The following GRHL2 variants were observed in gnomAD, a reference collection of about 807,000 sequenced individuals.
GRHL2 encodes grainyhead like transcription factor 2.
In GRHL2, 21 loss-of-function variants were observed where a neutral mutation model predicts 83.8. That is an observed-to-expected ratio of 0.25 (90% CI 0.18 to 0.36). The LOEUF is 0.36. Ranked by LOEUF, GRHL2 falls within the 10% of genes least tolerant of loss-of-function variation. The pLI is 1.00. For synonymous variants in GRHL2, 280 were observed against 278.9 expected (o/e 1.00, Z -0.04); for missense variants, 623 against 781.8 (o/e 0.80, Z 2.42).
intron 11 of GRHL2, among the ~76,000 whole-genome samples, chr8:101,634,941 GT>G (rs1813257153): frequency 1.3e-5 from 2 of 152,278 alleles, no homozygotes; most frequent in South Asian, 4.1e-4. Flanking sequence ...TATTCAGGCT[GT>G]TTATGTCTGG....
chr8:101,615,134 T>A (rs181664692), intron 8 of GRHL2, among the ~76,000 whole-genome samples: 6 of 152,324 alleles, frequency 3.9e-5, no homozygotes, highest in African/African-American at 1.4e-4. Context: ...GTGTGGTAGC[T>A]CATTTGACCT....
chr8:101,613,063 G>A (rs1319524008), intron 8 of GRHL2, among the ~76,000 whole-genome samples: 2 of 150,800 alleles, frequency 1.3e-5, no homozygotes, highest in African/African-American at 2.5e-5. Flanking sequence ...AGGTATTTCC[G>A]AAGAGTTGAC....
chr8:101,654,804 CTGT>C (rs774007918), intron 14 of GRHL2, among the ~76,000 whole-genome samples: 1 of 152,102 alleles, frequency 6.6e-6, no homozygotes. Context: ...GGTTGGAGTT[CTGT>C]TGTTTAAAAA....
At chr8:101,652,524 G>A (rs1451145001) in intron 14 of GRHL2, among the ~76,000 whole-genome samples, 2 of 88,794 alleles carry the variant, frequency 2.3e-5, no homozygotes, top group African/African-American at 6.7e-5. Flanking sequence ...TGTGTGTGGT[G>A]TGTGTGTGGT....
At chr8:101,653,681 G>A (rs1165983023) in intron 14 of GRHL2, among the ~76,000 whole-genome samples, 1 of 151,698 alleles carries the variant, frequency 6.6e-6, no homozygotes, top group African/African-American at 2.4e-5. Context: ...GGCGGAGTTC[G>A]CAGTGAGCTG....
intron 14 of GRHL2, among the ~76,000 whole-genome samples, chr8:101,656,763 G>A (rs963195543): frequency 6.6e-6 from 1 of 152,228 alleles, no homozygotes; most frequent in Non-Finnish European, 1.5e-5. Flanking sequence ...ATAAATGAGT[G>A]TGTATACATG....
intron 8 of GRHL2, among the ~76,000 whole-genome samples, chr8:101,602,457 G>A (rs1812536536): frequency 1.3e-5 from 2 of 152,188 alleles, no homozygotes; most frequent in African/African-American, 4.8e-5. Context: ...TTTGGTTTGT[G>A]TGGCCAGAGG....
intron 1 of GRHL2, among the ~76,000 whole-genome samples, chr8:101,493,796 GGGAGCCACAGCCTGCGCGGCC>G (rs955931853): frequency 2.0e-5 from 3 of 152,012 alleles, no homozygotes; most frequent in Admixed American, 6.5e-5. Flanking sequence ...AGACGCGTCG[GGGAGCCACAGCCTGCGCGGCC>G]GGAGCCGCCC....
intron 1 of GRHL2, among the ~76,000 whole-genome samples, chr8:101,534,514 T>C (rs1250896067): frequency 6.6e-6 from 1 of 152,138 alleles, no homozygotes; most frequent in Non-Finnish European, 1.5e-5. Context: ...ACTTCTGCTA[T>C]GTCCTATTGG....
chr8:101,524,485 G>A (rs1033168811), intron 1 of GRHL2, among the ~76,000 whole-genome samples: 3 of 151,642 alleles, frequency 2.0e-5, no homozygotes, highest in Non-Finnish European at 4.4e-5. Flanking sequence ...TATGAAATTT[G>A]CCTCTAAGTG....
chr8:101,552,763 C>A lies in GRHL2; in HGVS notation c.265C>A (p.Gln89Lys), dbSNP rs939879924. The change falls in exon 3 of 16, where the codon CAA becomes AAA. Residue 89 changes from glutamine to lysine, a missense_variant. Transcript: ENST00000646743. Reference protein sequence around the residue: ...LLSVSKASDSQEDQEKRNCLG... With the variant: ...LLSVSKASDSKEDQEKRNCLG... Reference sequence around the variant, plus strand: ...GTCTGTAAGCAAAGCAAGTGACAGCCAAGAAGACCAGGAGAAAAGGTAAAG... The same window carrying A: ...GTCTGTAAGCAAAGCAAGTGACAGCAAAGAAGACCAGGAGAAAAGGTAAAG... 6.2e-7 allele frequency: 1 copy of A among 1,613,898 alleles called. No homozygotes were observed. Among genetic ancestry groups the A allele is most frequent in the Non-Finnish European group, 8.5e-7 (1 of 1,179,942 alleles).
chr8:101,497,877 A>T (rs1169132927), intron 1 of GRHL2, among the ~76,000 whole-genome samples: 1 of 152,198 alleles, frequency 6.6e-6, no homozygotes, highest in Non-Finnish European at 1.5e-5. Flanking sequence ...TTTAACATGG[A>T]TATAAGACTT....
chr8:101,674,074 T>G (rs10216694), downstream of GRHL2, among the ~76,000 whole-genome samples: 41,686 of 151,374 alleles, frequency 0.28, 6,249 homozygotes, highest in African/African-American at 0.38. Flanking sequence ...AGAGGGAAAT[T>G]TATAGCACTA....
At position 101,609,552 on chromosome 8, in the gene GRHL2, G is replaced by T. The variant is rs1279814856; in HGVS notation, c.1099-9987G>T. Among the ~76,000 whole-genome samples, 6 of 150,988 alleles carry T rather than the reference G, an allele frequency of 4.0e-5. 1 individual carries two copies. Among genetic ancestry groups the T allele is most frequent in the African/African-American group, 1.2e-4 (5 of 40,430 alleles). ...ACACGCACATGTGAACAAAAGCCAC[G>T]TAGAAAGACATTCATTGCAGCATTA... is the stretch of plus-strand genomic sequence containing the variant. On this transcript the variant is annotated intron_variant, in intron 8 of 15. Coordinates refer to ENST00000646743, the MANE Select transcript of GRHL2 (RefSeq NM_024915.4).
intron 1 of GRHL2, among the ~76,000 whole-genome samples, chr8:101,509,711 G>C (rs1810425615): frequency 6.6e-6 from 1 of 152,088 alleles, no homozygotes; most frequent in South Asian, 2.1e-4. Flanking sequence ...AATTAGTTTG[G>C]CTACTGATTA....
intron 1 of GRHL2, among the ~76,000 whole-genome samples, chr8:101,532,754 A>T (rs1411221259): frequency 3.1e-4 from 45 of 146,992 alleles, no homozygotes; most frequent in African/African-American, 1.0e-3. Context: ...ACTCCATCTC[A>T]CAAAAAAAAA....
Position 101,644,148 on chromosome 8 carries a change from A to G in GRHL2, c.1535A>G (p.Lys512Arg), listed in dbSNP as rs2129668708. Reference protein sequence around the residue: ...DEREGGSVLVKRMFRPMEEEF... With the variant: ...DEREGGSVLVRRMFRPMEEEF... Reference sequence around the variant, plus strand: ...TTTTCTAGTGGCAGTGTCCTTGTTAAACGGATGTTCCGGCCCATGGAAGAG... The same window carrying G: ...TTTTCTAGTGGCAGTGTCCTTGTTAGACGGATGTTCCGGCCCATGGAAGAG... The change falls in exon 13 of 16, where the codon AAA becomes AGA. Residue 512 changes from lysine (K) to arginine (R), a missense_variant. Lys to Arg is a conservative substitution (Grantham distance 26). Coordinates refer to ENST00000646743, the MANE Select transcript of GRHL2 (RefSeq NM_024915.4). 1 of 1,614,144 alleles carries G rather than the reference A, an allele frequency of 6.2e-7. No homozygotes were observed. The highest frequency in any genetic ancestry group is 8.5e-7 in the Non-Finnish European group (1 of 1,179,966).
In GRHL2 at chr8:101,667,840, CT is replaced by C. The variant is rs1814107727; in HGVS notation, c.*1138del. ...TTGGCTATCAGGAGAATCCTGGACA[CT>C]GTACTGTGCCTCCCAGTTTACAAAC... On this transcript the variant is annotated 3_prime_UTR_variant, in exon 16 of 16. Coordinates refer to ENST00000646743, the MANE Select transcript of GRHL2 (RefSeq NM_024915.4). 6.5e-6 allele frequency: 1 copy of C among 152,792 alleles called. No homozygotes were observed. Among genetic ancestry groups the C allele is most frequent in the African/African-American group, 2.4e-5 (1 of 41,462 alleles). 9.5% of individuals were successfully genotyped at this position (152,792 alleles called of 1,614,324 possible). A position where few individuals can be genotyped will look rare whatever the true frequency, so the allele number is the denominator to read the frequency against.
intron 8 of GRHL2, among the ~76,000 whole-genome samples, chr8:101,608,070 G>A (rs1238580446): frequency 6.6e-6 from 1 of 152,236 alleles, no homozygotes. Context: ...GTGTGCGTGT[G>A]TACACAATGA....
Sources: allele counts gnomAD v4.1 joint callset (sites outside exome capture counted in the v4.1 genomes callset), GRCh38; gene constraint gnomAD v4.1.1; transcripts MANE v1.5; gene names NCBI Gene and HGNC (gene_info 2026-07-23, HGNC 2026-07-21).